Variants in XPR1 observed in about 807,000 individuals in gnomAD.
XPR1 encodes solute carrier family 53 member 1.
In XPR1, 28 loss-of-function variants were observed where a neutral mutation model predicts 87.5. The ratio of observed to expected loss-of-function variants is 0.32; its 90% CI spans 0.24 to 0.44. The LOEUF (loss-of-function observed/expected upper bound fraction) is 0.44, where lower values mean the gene tolerates loss of function less well. XPR1 is among the 20% of genes least tolerant of loss of function. XPR1 has a pLI of 1.00. For synonymous variants in XPR1, 300 were observed against 306.1 expected, an observed-to-expected ratio of 0.98 and a Z score of 0.21; for missense variants, 559 against 862.3, an observed-to-expected ratio of 0.65 and a Z score of 4.41.
chr1:180,690,922 G>A (rs564699913), intron 2 of XPR1, among the ~76,000 whole-genome samples: 1 of 151,828 alleles, frequency 6.6e-6, no homozygotes, highest in Admixed American at 6.6e-5. Flanking sequence ...CTATGTGTGT[G>A]TGTGTTTTAA....
At chr1:180,797,673 A>G (rs570162657) in intron 3 of XPR1, among the ~76,000 whole-genome samples, 2 of 152,206 alleles carry the variant, frequency 1.3e-5, no homozygotes, top group Non-Finnish European at 2.9e-5. Context: ...GTTTACCTGC[A>G]GTTTTTAGTC....
chr1:180,697,794 T>C (rs1197341382), intron 2 of XPR1, among the ~76,000 whole-genome samples: 2 of 152,318 alleles, frequency 1.3e-5, no homozygotes, highest in East Asian at 1.9e-4. Context: ...TTTTATTCCA[T>C]TGTGGTCTGA....
intron 2 of XPR1, among the ~76,000 whole-genome samples, chr1:180,719,835 C>A (rs1210697228): frequency 6.6e-6 from 1 of 152,116 alleles, no homozygotes; most frequent in Non-Finnish European, 1.5e-5. Context: ...TCAGTCATTT[C>A]ATCTCATTTT....
intron 1 of XPR1, among the ~76,000 whole-genome samples, chr1:180,660,510 T>G (rs1655730535): frequency 6.6e-6 from 1 of 152,170 alleles, no homozygotes; most frequent in Non-Finnish European, 1.5e-5. Flanking sequence ...TTAGTACTTC[T>G]TTTGCTGTTT....
At chr1:180,799,747 G>T (rs1046315395) in intron 3 of XPR1, among the ~76,000 whole-genome samples, 2 of 152,172 alleles carry the variant, frequency 1.3e-5, no homozygotes, top group African/African-American at 4.8e-5. Context: ...CTGGGGTTCA[G>T]TGCTAGTCTC....
chr1:180,632,286 G>C lies in XPR1; in HGVS notation c.69+16G>C. ...CCAGTATGAGGTACCGGCACGGCTGGGGTGTGGGAGGACTCGGAGGGGCCA... is the reference window on the plus strand; with the variant it reads ...CCAGTATGAGGTACCGGCACGGCTGCGGTGTGGGAGGACTCGGAGGGGCCA... On this transcript the variant is annotated intron_variant, in intron 1 of 14. Coordinates refer to ENST00000367590, the MANE Select transcript of XPR1 (RefSeq NM_004736.4). 2 of 1,608,378 alleles carry C rather than the reference G, an allele frequency of 1.2e-6. No homozygotes were observed. The highest frequency in any genetic ancestry group is 2.2e-5 in the South Asian group (2 of 90,188).
chr1:180,855,624 A>G (rs1286308932), intron 11 of XPR1, among the ~76,000 whole-genome samples: 1 of 147,176 alleles, frequency 6.8e-6, no homozygotes, highest in Non-Finnish European at 1.5e-5. Context: ...AGATCATGCC[A>G]CTGCTCTCCA....
chr1:180,817,738 C>G lies in XPR1; in HGVS notation c.763+6250C>G, dbSNP rs1650462137. On this transcript the variant is annotated intron_variant, in intron 7 of 14. Transcript: ENST00000367590. ...AATACATATTACATGATTCCATTTA[C>G]ATGGAGTTCAAAAAACAGGCAAAAA... 2.6e-5 allele frequency among the ~76,000 whole-genome samples: 4 copies of G among 152,102 alleles called. 1 individual carries two copies. Among genetic ancestry groups the G allele is most frequent in the Admixed American group, 2.0e-4 (3 of 15,272 alleles).
chr1:180,733,174 C>T (rs1315978895), intron 2 of XPR1, among the ~76,000 whole-genome samples: 1 of 152,092 alleles, frequency 6.6e-6, no homozygotes, highest in Admixed American at 6.5e-5. Context: ...TGGATAGGGG[C>T]GTGGCAGGCC....
chr1:180,753,447 G>A (rs992913169), intron 2 of XPR1, among the ~76,000 whole-genome samples: 12 of 151,906 alleles, frequency 7.9e-5, no homozygotes, highest in East Asian at 1.9e-4. Context: ...CCAGCTACTC[G>A]GGAGGCTAAA....
chr1:180,738,643 C>G (rs1006203135), intron 2 of XPR1, among the ~76,000 whole-genome samples: 16 of 152,126 alleles, frequency 1.1e-4, no homozygotes, highest in African/African-American at 3.9e-4. Flanking sequence ...TTGCATTTCT[C>G]TATGGGCTCA....
At chr1:180,653,805 G>A (rs139373486) in intron 1 of XPR1, among the ~76,000 whole-genome samples, 219 of 152,242 alleles carry the variant, frequency 1.4e-3, no homozygotes, top group African/African-American at 4.5e-3. Flanking sequence ...TACCGTTAAC[G>A]TTGATCTGGT....
chr1:180,673,602 C>T (rs1447406838), intron 1 of XPR1, among the ~76,000 whole-genome samples: 1 of 152,234 alleles, frequency 6.6e-6, no homozygotes, highest in Non-Finnish European at 1.5e-5. Context: ...CTGAGCTCTG[C>T]CTCCCATCAC....
At chr1:180,765,113 C>A (rs1280450708) in intron 2 of XPR1, among the ~76,000 whole-genome samples, 1 of 152,110 alleles carries the variant, frequency 6.6e-6, no homozygotes, top group Non-Finnish European at 1.5e-5. Flanking sequence ...TGTGCAGGAA[C>A]TGTTATAAGA....
chr1:180,695,803 GTCC>G (rs2101963454), intron 2 of XPR1, among the ~76,000 whole-genome samples: 1 of 152,126 alleles, frequency 6.6e-6, no homozygotes, highest in African/African-American at 2.4e-5. Context: ...TATGTAGTTA[GTCC>G]AGTATCTTGC....
intron 2 of XPR1, among the ~76,000 whole-genome samples, chr1:180,765,161 T>C (rs1433054794): frequency 6.6e-6 from 1 of 152,186 alleles, no homozygotes; most frequent in Non-Finnish European, 1.5e-5. Context: ...CTCGCAACAG[T>C]GCTATGGATG....
At chr1:180,788,447 C>T (rs541533848) in intron 3 of XPR1, among the ~76,000 whole-genome samples, 3 of 152,120 alleles carry the variant, frequency 2.0e-5, no homozygotes, top group East Asian at 1.9e-4. Context: ...AGAGCACTAC[C>T]GTAGACATCA....
intron 12 of XPR1, among the ~76,000 whole-genome samples, chr1:180,865,928 C>T (rs1055320603): frequency 1.3e-5 from 2 of 152,124 alleles, no homozygotes; most frequent in African/African-American, 4.8e-5. Flanking sequence ...TTAAAAAATA[C>T]TGGCCAGACG....
chr1:180,824,264 A>G (rs1158657755), intron 7 of XPR1, among the ~76,000 whole-genome samples: 1 of 152,230 alleles, frequency 6.6e-6, no homozygotes, highest in East Asian at 1.9e-4. Flanking sequence ...AAGAACCCAC[A>G]GGCGACTTTT....
Sources: gnomAD v4.1 joint callset for allele counts (sites outside exome capture counted in the v4.1 genomes callset) on GRCh38, gnomAD v4.1.1 for gene constraint, MANE v1.5 for transcripts, NCBI Gene and HGNC (gene_info 2026-07-23, HGNC 2026-07-21) for gene names.